The following LDLRAD4 variants were observed in gnomAD, a reference collection of about 807,000 sequenced individuals.
LDLRAD4 encodes low density lipoprotein receptor class A domain containing 4.
LDLRAD4 carries 5 observed loss-of-function variants against 17.0 expected under a neutral mutation model. That is an observed-to-expected ratio of 0.29 (90% CI 0.15 to 0.62). The LOEUF (loss-of-function observed/expected upper bound fraction) is 0.62, where lower values mean the gene tolerates loss of function less well. Ranked by LOEUF, LDLRAD4 falls within the 20% of genes least tolerant of loss-of-function variation. The pLI, the probability that LDLRAD4 is intolerant of heterozygous loss-of-function variation, is 0.84. For missense variants in LDLRAD4, 340 were observed against 424.7 expected, an observed-to-expected ratio of 0.80 and a Z score of 1.75; for synonymous variants, 168 against 171.8, an observed-to-expected ratio of 0.98 and a Z score of 0.17.
At chr18:13,294,812 T>C (rs1567976789) in intron 1 of LDLRAD4, among the ~76,000 whole-genome samples, 1 of 147,586 alleles carries the variant, frequency 6.8e-6, no homozygotes, top group Non-Finnish European at 1.5e-5. Flanking sequence ...CAGCCTGATA[T>C]GTAAAATAGT....
chr18:13,499,195 C>A (rs530668158), intron 3 of LDLRAD4, among the ~76,000 whole-genome samples: 1 of 151,014 alleles, frequency 6.6e-6, no homozygotes, highest in Admixed American at 6.6e-5. Context: ...TCTACTCACA[C>A]ACATCCCGCT....
In LDLRAD4 at chr18:13,432,622, T is replaced by G. The variant is rs111388134; in HGVS notation, c.41-5622T>G. Among the ~76,000 whole-genome samples, 13 of 152,314 alleles carry G rather than the reference T, an allele frequency of 8.5e-5. 1 individual carries two copies. The highest frequency in any genetic ancestry group is 3.1e-4 in the African/African-American group (13 of 41,590). ...GGTTGGAATTCGGTTTAGAGATGAG[T>G]TCTTTGCAGTCAGTTTTCCTCTCCT... On this transcript the variant is annotated intron_variant, in intron 2 of 5. Coordinates refer to ENST00000359446, the Ensembl canonical transcript of LDLRAD4.
chr18:13,597,386 T>C (rs2095108143), intron 3 of LDLRAD4, among the ~76,000 whole-genome samples: 1 of 152,198 alleles, frequency 6.6e-6, no homozygotes, highest in African/African-American at 2.4e-5. Context: ...GCCTGTTTTT[T>C]GGTCTCTTTG....
intron 2 of LDLRAD4, chr18:13,421,317 C>G (rs142706140): frequency 6.6e-5 from 10 of 152,436 alleles, no homozygotes; most frequent in African/African-American, 1.9e-4. Flanking sequence ...GGAGGCCTAC[C>G]TGGCTTCCAC....
intron 3 of LDLRAD4, among the ~76,000 whole-genome samples, chr18:13,518,212 A>C: frequency 6.6e-6 from 1 of 151,442 alleles, no homozygotes; most frequent in Non-Finnish European, 1.5e-5. Flanking sequence ...AGAGCTTCCC[A>C]CTCTGTCCTC....
At chr18:13,588,719 G>C (rs1016224495) in intron 3 of LDLRAD4, among the ~76,000 whole-genome samples, 2 of 151,924 alleles carry the variant, frequency 1.3e-5, no homozygotes, top group African/African-American at 4.8e-5. Flanking sequence ...GGATTGAATT[G>C]TTCTTGTGCT....
intron 1 of LDLRAD4, among the ~76,000 whole-genome samples, chr18:13,323,905 A>G (rs1450271525): frequency 7.6e-6 from 1 of 132,372 alleles, no homozygotes; most frequent in Admixed American, 8.0e-5. Context: ...GTCTCTACTA[A>G]AAGTATAAAA....
chr18:13,281,446 G>T (rs933997564), intron 1 of LDLRAD4, among the ~76,000 whole-genome samples: 8 of 152,016 alleles, frequency 5.3e-5, no homozygotes, highest in African/African-American at 1.9e-4. Context: ...ACCCACAAAA[G>T]ACAATTGGAG....
chr18:13,315,847 TAC>T (rs2080904453), intron 1 of LDLRAD4, among the ~76,000 whole-genome samples: 1 of 138,564 alleles, frequency 7.2e-6, no homozygotes. Context: ...GAATGAAAAA[TAC>T]AATAAATGAA....
intron 3 of LDLRAD4, among the ~76,000 whole-genome samples, chr18:13,574,072 C>G (rs2094732025): frequency 6.6e-6 from 1 of 152,144 alleles, no homozygotes; most frequent in South Asian, 2.1e-4. Flanking sequence ...GATATATTGA[C>G]CACTGTGGGG....
intron 1 of LDLRAD4, among the ~76,000 whole-genome samples, chr18:13,313,267 GA>G (rs2080748590): frequency 6.6e-6 from 1 of 152,192 alleles, no homozygotes; most frequent in South Asian, 2.1e-4. Flanking sequence ...ACCTATGCCT[GA>G]CCTGCTTGGA....
chr18:13,426,468 G>A (rs2089945905), intron 2 of LDLRAD4, among the ~76,000 whole-genome samples: 1 of 152,222 alleles, frequency 6.6e-6, no homozygotes, highest in Non-Finnish European at 1.5e-5. Flanking sequence ...TTCAGGGCAG[G>A]TGAGAGGTTC....
upstream of LDLRAD4, chr18:13,217,746 C>T (rs1409195788): frequency 6.6e-6 from 1 of 151,348 alleles, no homozygotes; most frequent in East Asian, 2.0e-4. This position sits in a 1 kb window ranked among gnomAD's most constrained non-coding sequence, Gnocchi z 4.9. Context: ...CGCGCTGAGG[C>T]TGCGGACCGG....
At chr18:13,472,566 C>G (rs1341942010) in intron 3 of LDLRAD4, 1 of 152,256 alleles carries the variant, frequency 6.6e-6, no homozygotes, top group Non-Finnish European at 1.5e-5. Context: ...AATGAGAAAT[C>G]CACCTGGCGG....
At chr18:13,297,494 A>G (rs1435939667) in intron 1 of LDLRAD4, among the ~76,000 whole-genome samples, 1 of 152,130 alleles carries the variant, frequency 6.6e-6, no homozygotes, top group Non-Finnish European at 1.5e-5. Context: ...TTGGTGCCCA[A>G]ATTTAAAGTT....
chr18:13,223,468 T>G (rs1363912535), intron 1 of LDLRAD4, among the ~76,000 whole-genome samples: 3 of 152,104 alleles, frequency 2.0e-5, no homozygotes, highest in African/African-American at 7.2e-5. Context: ...CTGGCCTGGC[T>G]GCTGGGATTC....
intron 3 of LDLRAD4, chr18:13,612,589 C>G: frequency 6.5e-7 from 1 of 1,542,586 alleles, no homozygotes; most frequent in Non-Finnish European, 8.7e-7. Flanking sequence ...CACCCCATGC[C>G]AGCTATAACT....
At chr18:13,516,996 C>T (rs1462709588) in intron 3 of LDLRAD4, among the ~76,000 whole-genome samples, 1 of 152,184 alleles carries the variant, frequency 6.6e-6, no homozygotes, top group African/African-American at 2.4e-5. Context: ...ACTACAGGCA[C>T]ATGCTGCCAC....
At chr18:13,390,419 G>A (rs950536674) in intron 2 of LDLRAD4, among the ~76,000 whole-genome samples, 1 of 152,344 alleles carries the variant, frequency 6.6e-6, no homozygotes, top group South Asian at 2.1e-4. Flanking sequence ...ATTGTCCCAC[G>A]CTGTGTGGCC....
Sources: allele counts gnomAD v4.1 joint callset (sites outside exome capture counted in the v4.1 genomes callset), GRCh38; gene constraint gnomAD v4.1.1; non-coding constraint Gnocchi (gnomAD v3.1); transcripts MANE v1.5; gene names NCBI Gene and HGNC (gene_info 2026-07-23, HGNC 2026-07-21).